ARHGEF11: variants seen among roughly 807,000 people sequenced by gnomAD.
The protein encoded by ARHGEF11 is Rho guanine exchange factor (GEF) 11.
Under a neutral mutation model 193.7 loss-of-function variants are expected in ARHGEF11, and 55 were observed. The observed-to-expected ratio is 0.28, with a 90% CI of 0.23 to 0.36. The LOEUF (loss-of-function observed/expected upper bound fraction) is 0.36. Ranked by LOEUF, ARHGEF11 falls within the 10% of genes least tolerant of loss-of-function variation. ARHGEF11 has a pLI of 1.00. For missense variants in ARHGEF11, 1,723 were observed against 2,005.6 expected (o/e 0.86, Z 2.69); for synonymous variants, 693 against 768.0 (o/e 0.90, Z 1.62).
At chr1:156,963,672 A>G (rs1222399857) in intron 11 of ARHGEF11, 78 bp from the exon 12 acceptor site, 2 of 1,574,482 alleles carry the variant, frequency 1.3e-6, no homozygotes, top group Non-Finnish European at 1.7e-6. Context: ...AAGTTTGTTT[A>G]GTTGCAGCAC....
At chr1:156,958,139 A>G (rs1397601049) in intron 17 of ARHGEF11, among the ~76,000 whole-genome samples, 1 of 152,194 alleles carries the variant, frequency 6.6e-6, no homozygotes, top group Non-Finnish European at 1.5e-5. Flanking sequence ...ACTTAGTGAG[A>G]AGCAGTAGTA....
intron 11 of ARHGEF11, 86 bp from the exon 12 acceptor site, chr1:156,963,680 C>A (rs1661302864): frequency 6.5e-7 from 1 of 1,548,206 alleles, no homozygotes; most frequent in East Asian, 2.3e-5. Context: ...TTAGTTGCAG[C>A]ACAGCACTCA....
intron 20 of ARHGEF11, among the ~76,000 whole-genome samples, 200 bp downstream of exon 20, chr1:156,955,503 G>A (rs562928140): frequency 3.0e-4 from 46 of 152,166 alleles, no homozygotes; most frequent in Non-Finnish European, 5.4e-4. Flanking sequence ...GACCGGCACG[G>A]CTTCCCTGGC....
chr1:156,991,710 A>ATTTTTTTTTTTTTTT (rs57140356), intron 1 of ARHGEF11, among the ~76,000 whole-genome samples: 12 of 83,960 alleles, frequency 1.4e-4, no homozygotes, highest in African/African-American at 3.1e-4. Flanking sequence ...TTTCAAGCTT[A>ATTTTTTTTTTTTTTT]TTTTTTTTTT....
chr1:156,942,110 C>T (rs1657127255), intron 33 of ARHGEF11, 121 bp from the exon 34 acceptor site: 8 of 1,444,068 alleles, frequency 5.5e-6, no homozygotes, highest in Non-Finnish European at 6.7e-6. Context: ...CTGGCAGGTG[C>T]CCACCTCCCT....
chr1:157,036,575 G>A (rs1571611736), intron 1 of ARHGEF11, among the ~76,000 whole-genome samples: 1 of 151,990 alleles, frequency 6.6e-6, no homozygotes, highest in South Asian at 2.1e-4. Flanking sequence ...ACCCACCTCG[G>A]CCTCCCAAAG....
chr1:156,957,709 A>G lies in ARHGEF11; in HGVS notation c.1526+83T>C, dbSNP rs529570785. ...GTACAACATGAGGGACTCCCCTGTGATTGTCAGAAATGGAAAGCATAGTAG... is the reference window on the plus strand; with the variant it reads ...GTACAACATGAGGGACTCCCCTGTGGTTGTCAGAAATGGAAAGCATAGTAG... On this transcript the variant is annotated intron_variant, in intron 18 of 40. Coordinates refer to ENST00000368194, the MANE Select transcript of ARHGEF11 (RefSeq NM_198236.3). 4.2e-5 allele frequency: 61 copies of G among 1,449,408 alleles called. 1 individual carries two copies. The Middle Eastern group carries it at 7.0e-4, about 17-fold the overall frequency. 89.8% of individuals were successfully genotyped at this position (1,449,408 alleles called of 1,614,324 possible). A position where few individuals can be genotyped will look rare whatever the true frequency, so the allele number is the denominator to read the frequency against.
At position 156,935,934 on chromosome 1, in the gene ARHGEF11, T is replaced by A; in HGVS notation, c.*66A>T. On this transcript the variant is annotated 3_prime_UTR_variant, in exon 41 of 41. Transcript: ENST00000368194. ...GAGTGTTGGGATCCCCCCTACCCTG[T>A]GCCCCGGTCTCAGGCCAGTCCCTGA... The A allele has an allele frequency of 1.3e-6, 2 of 1,535,914 alleles. No homozygotes were observed. The highest frequency in any genetic ancestry group is 1.8e-6 in the Non-Finnish European group (2 of 1,125,744).
At chr1:156,942,828 T>C in intron 32 of ARHGEF11, 48 bp from the exon 33 acceptor site, 1 of 1,524,760 alleles carries the variant, frequency 6.6e-7, no homozygotes, top group Non-Finnish European at 9.1e-7. Context: ...GGATGGCAGG[T>C]GTGACTGCAG....
intron 34 of ARHGEF11, 29 bp from the exon 35 acceptor site, chr1:156,941,462 A>T (rs1283232019): frequency 1.2e-6 from 2 of 1,609,416 alleles, no homozygotes; most frequent in Non-Finnish European, 1.7e-6. Context: ...ACAGGATGAG[A>T]TCCCATGAGA....
chr1:156,949,265 C>G (rs964339210), intron 22 of ARHGEF11, among the ~76,000 whole-genome samples: 10 of 152,182 alleles, frequency 6.6e-5, no homozygotes, highest in Admixed American at 3.9e-4. Context: ...ATGCTGATGA[C>G]TGGGTGTTGC....
At chr1:156,944,573 C>A in intron 30 of ARHGEF11, 140 bp from the exon 31 acceptor site, 7 of 859,768 alleles carry the variant, frequency 8.1e-6, no homozygotes, top group Middle Eastern at 3.4e-4. Flanking sequence ...CTCTCTTGTG[C>A]GGGATGAAGA....
chr1:156,990,699 T>TA (rs57485864), intron 1 of ARHGEF11, among the ~76,000 whole-genome samples: 33,607 of 151,452 alleles, frequency 0.22, 3,921 homozygotes, highest in East Asian at 0.36. Flanking sequence ...TATTACCCTT[T>TA]AAAAAAAAAG....
Position 156,978,209 on chromosome 1 carries a change from G to A in ARHGEF11, c.505C>T (p.Leu169=). The change falls in exon 6 of 41, where the codon CTG becomes TTG. Residue 169 remains leucine, a synonymous_variant. Transcript: ENST00000368194. ...PPQRITGPKP[L]QDPEVQKHAT... ...AAAGCCAGGAGGATTATTACCTGCA[G>A]AGGTTTGGGTCCTGTGATGCGTTGT... The A allele has an allele frequency of 6.2e-7, 1 of 1,614,214 alleles. No individual in the cohort carries two copies. The highest frequency in any genetic ancestry group is 8.5e-7 in the Non-Finnish European group (1 of 1,180,040).
At chr1:156,990,608 T>A (rs1223604510) in intron 1 of ARHGEF11, among the ~76,000 whole-genome samples, 2 of 152,214 alleles carry the variant, frequency 1.3e-5, no homozygotes, top group Admixed American at 6.5e-5. Flanking sequence ...TTATAAAGAA[T>A]GTCATCTCAT....
intron 1 of ARHGEF11, among the ~76,000 whole-genome samples, chr1:156,991,274 G>A (rs1310192615): frequency 1.3e-5 from 2 of 152,316 alleles, no homozygotes; most frequent in East Asian, 1.9e-4. Context: ...AGTATCATCA[G>A]TAATGTGTGT....
chr1:156,961,817 C>T (rs1306233306), intron 13 of ARHGEF11, 42 bp from the exon 14 acceptor site: 1 of 1,586,720 alleles, frequency 6.3e-7, no homozygotes, highest in Non-Finnish European at 8.7e-7. Flanking sequence ...GGTTCTCCCC[C>T]AGCAGTGATT....
rs186211649 is a variant in ARHGEF11, at chr1:156,979,032, G to A, written c.331+197C>T. 9.8e-4 allele frequency among the ~76,000 whole-genome samples: 149 copies of A among 152,314 alleles called. 1 individual carries two copies. Among genetic ancestry groups the A allele is most frequent in the Non-Finnish European group, 1.7e-3 (113 of 68,028 alleles). On this transcript the variant is annotated intron_variant, in intron 5 of 40. Coordinates refer to ENST00000368194, the MANE Select transcript of ARHGEF11 (RefSeq NM_198236.3). ...AGATGTCTCATGAGAGCCTAGTACT[G>A]TCTCCACTTGAAGTAATAGGGAATT...
rs1316653890 is a variant in ARHGEF11, at chr1:157,044,970, T to C, written c.-640A>G. The stretch of plus-strand genomic sequence containing the variant: ...TACAATAGTATGTACACAACAGCAC[T>C]CCTTCCAAGTCCAGTGCAACCCTGG... On this transcript the variant is annotated 5_prime_UTR_variant, in exon 1 of 41. Transcript: ENST00000368194. 6.6e-6 allele frequency: 1 copy of C among 152,542 alleles called. No homozygotes were observed. Among genetic ancestry groups the C allele is most frequent in the African/African-American group, 2.4e-5 (1 of 41,220 alleles). 9.4% of individuals were successfully genotyped at this position (152,542 alleles called of 1,614,324 possible).
Sources: gnomAD v4.1 joint callset for allele counts (sites outside exome capture counted in the v4.1 genomes callset) on GRCh38, gnomAD v4.1.1 for gene constraint, MANE v1.5 for transcripts, NCBI Gene and HGNC (gene_info 2026-07-23, HGNC 2026-07-21) for gene names.